FNBP1: variants seen among roughly 807,000 people sequenced by gnomAD.
FNBP1 encodes the protein formin binding protein 1, also known as formin-binding protein 1.
FNBP1 carries 26 observed loss-of-function variants against 90.6 expected under a neutral mutation model. The observed-to-expected ratio is 0.29, with a 90% CI of 0.21 to 0.40. FNBP1 has a LOEUF of 0.40. Among genes scored for constraint, FNBP1 ranks in the 10% least tolerant of loss-of-function variants. The probability of loss-of-function intolerance (pLI) is 1.00; values close to 1 mark genes in which losing one functional copy is unlikely to be tolerated. For missense variants in FNBP1, 635 were observed against 768.0 expected (o/e 0.83, Z 2.05); for synonymous variants, 260 against 265.2 (o/e 0.98, Z 0.19).
At chr9:129,979,887 C>T (rs576482690) in intron 2 of FNBP1, among the ~76,000 whole-genome samples, 2 of 151,516 alleles carry the variant, frequency 1.3e-5, no homozygotes, top group Non-Finnish European at 2.9e-5. Flanking sequence ...AAATGATCTG[C>T]CTGCCTTGGC....
At chr9:130,045,647 T>C (rs1484724986), upstream of FNBP1, among the ~76,000 whole-genome samples, 1 of 152,108 alleles carries the variant, frequency 6.6e-6, no homozygotes, top group Non-Finnish European at 1.5e-5. Flanking sequence ...TGGATGTGAG[T>C]TAATTATACA....
chr9:129,917,430 T>G lies in FNBP1; in HGVS notation c.1171-1450A>C, dbSNP rs564996331. 2.6e-5 allele frequency among the ~76,000 whole-genome samples: 4 copies of G among 152,136 alleles called. No homozygotes were observed. In the South Asian group the frequency reaches 8.3e-4, roughly 32 times the overall value. The stretch of plus-strand genomic sequence containing the variant: ...TCACTGAAGCCTCAACCTCTAGAGC[T>G]CAAATGATCCTCGCACCTCAGCCTC... On this transcript the variant is annotated intron_variant, in intron 10 of 16. Coordinates refer to ENST00000446176, the MANE Select transcript of FNBP1 (RefSeq NM_015033.3).
At chr9:130,017,056 A>G (rs631635) in intron 1 of FNBP1, among the ~76,000 whole-genome samples, 124,806 of 151,972 alleles carry the variant, frequency 0.82, 51,519 homozygotes, top group Non-Finnish European at 0.86. Context: ...GACCAGCCTC[A>G]GCAACATAGC....
At chr9:130,039,834 A>G (rs1395874467) in intron 1 of FNBP1, among the ~76,000 whole-genome samples, 1 of 152,180 alleles carries the variant, frequency 6.6e-6, no homozygotes, top group Non-Finnish European at 1.5e-5. Flanking sequence ...TGTAGTTTCT[A>G]AAAGCCTATA....
intron 1 of FNBP1, among the ~76,000 whole-genome samples, chr9:129,997,205 T>C (rs112517252): frequency 0.024 from 3,670 of 152,004 alleles, 153 homozygotes; most frequent in African/African-American, 0.083. Flanking sequence ...GCACCTGTAA[T>C]CCCAGCTACT....
Position 129,967,726 on chromosome 9 carries a change from C to A in FNBP1, c.346-9173G>T, listed in dbSNP as rs764190422. On this transcript the variant is annotated intron_variant, in intron 4 of 16. Coordinates refer to ENST00000446176, the MANE Select transcript of FNBP1 (RefSeq NM_015033.3). ...GTGAGTCAAGTAATTCTCACAATTCCCAGAAGAAAAGGAAATCATTAATTC... is the reference window on the plus strand; with the variant it reads ...GTGAGTCAAGTAATTCTCACAATTCACAGAAGAAAAGGAAATCATTAATTC... Among the ~76,000 whole-genome samples, 57 of 151,922 alleles carry A rather than the reference C, an allele frequency of 3.8e-4. 1 individual carries two copies. Among genetic ancestry groups the A allele is most frequent in the Middle Eastern group, 3.2e-3 (1 of 316 alleles).
At chr9:129,912,296 G>C (rs192814998) in intron 11 of FNBP1, among the ~76,000 whole-genome samples, 1 of 152,086 alleles carries the variant, frequency 6.6e-6, no homozygotes, top group African/African-American at 2.4e-5. Context: ...GAGGAAAAAC[G>C]GTTTGAGTTT....
At chr9:129,923,240 G>T (rs906886159) in intron 10 of FNBP1, among the ~76,000 whole-genome samples, 3 of 151,866 alleles carry the variant, frequency 2.0e-5, no homozygotes, top group Admixed American at 1.3e-4. Flanking sequence ...TGACTTGGAT[G>T]CTTTAAAGAG....
intron 6 of FNBP1, among the ~76,000 whole-genome samples, chr9:129,944,595 A>G (rs953615376): frequency 1.3e-5 from 2 of 152,218 alleles, no homozygotes; most frequent in Non-Finnish European, 2.9e-5. Flanking sequence ...AAGGAGGCAG[A>G]AATAATGCAA....
At chr9:130,014,933 T>C (rs1271629149) in intron 1 of FNBP1, among the ~76,000 whole-genome samples, 4 of 151,640 alleles carry the variant, frequency 2.6e-5, no homozygotes, top group East Asian at 1.9e-4. Context: ...GGATTGATGA[T>C]TGATTGCAAA....
At chr9:129,898,890 G>A (rs957018628) in intron 15 of FNBP1, among the ~76,000 whole-genome samples, 10 of 151,828 alleles carry the variant, frequency 6.6e-5, no homozygotes, top group African/African-American at 9.7e-5. Flanking sequence ...AGACAGGAGC[G>A]CTATAGATAC....
chr9:130,017,383 T>C (rs1276047788), intron 1 of FNBP1, among the ~76,000 whole-genome samples: 1 of 152,198 alleles, frequency 6.6e-6, no homozygotes, highest in Non-Finnish European at 1.5e-5. Context: ...TTAACAGATA[T>C]TTCAAAGAAA....
chr9:129,997,229 G>A (rs2054150688), intron 1 of FNBP1, among the ~76,000 whole-genome samples: 1 of 151,994 alleles, frequency 6.6e-6, no homozygotes, highest in South Asian at 2.1e-4. Flanking sequence ...GAGTCTGAGG[G>A]AGGCAGGAGA....
intron 2 of FNBP1, among the ~76,000 whole-genome samples, chr9:129,986,013 G>A (rs1344385243): frequency 6.8e-6 from 1 of 147,638 alleles, no homozygotes; most frequent in Non-Finnish European, 1.5e-5. Flanking sequence ...GTGTGTGCCT[G>A]TAATCCCAGC....
At chr9:130,017,860 G>C (rs1241083463) in intron 1 of FNBP1, among the ~76,000 whole-genome samples, 1 of 145,700 alleles carries the variant, frequency 6.9e-6, no homozygotes, top group Non-Finnish European at 1.5e-5. Flanking sequence ...ATCATGGTCT[G>C]GTCTAACGTG....
At chr9:130,012,623 ATTTGT>A (rs538214212) in intron 1 of FNBP1, among the ~76,000 whole-genome samples, 114 of 152,128 alleles carry the variant, frequency 7.5e-4, no homozygotes, top group African/African-American at 2.5e-3. Context: ...GAGGTAGGAA[ATTTGT>A]TTTGTTTTGT....
chr9:129,994,442 G>T (rs1395774668), intron 2 of FNBP1, among the ~76,000 whole-genome samples: 1 of 152,208 alleles, frequency 6.6e-6, no homozygotes, highest in Non-Finnish European at 1.5e-5. Context: ...CAGGGGGCCT[G>T]CCAGGCTGGT....
At chr9:129,941,423 T>C (rs1028026788) in intron 6 of FNBP1, among the ~76,000 whole-genome samples, 1 of 152,100 alleles carries the variant, frequency 6.6e-6, no homozygotes, top group Non-Finnish European at 1.5e-5. Flanking sequence ...TTAAATAGAA[T>C]GTCAAATTCC....
At position 129,900,091 on chromosome 9, in the gene FNBP1, T is replaced by C. The variant is rs1184132946; in HGVS notation, c.1561A>G (p.Ser521Gly). The C allele has an allele frequency of 6.2e-7, 1 of 1,610,786 alleles. No homozygotes were observed. The highest frequency in any genetic ancestry group is 1.7e-5 in the Admixed American group (1 of 59,400). ...TCCTGACTCTGCTCCTCTGTGTAACTGCCATCTGGGCTGCTCAAGAAAGGA... is the reference window on the plus strand; with the variant it reads ...TCCTGACTCTGCTCCTCTGTGTAACCGCCATCTGGGCTGCTCAAGAAAGGA... ...CAQDRESPDG[S>G]YTEEQSQESE... The change falls in exon 15 of 17, where the codon AGT (serine) becomes GGT (glycine). Residue 521 changes from serine to glycine, a missense_variant. Transcript: ENST00000446176. The surrounding 1 kb of genome is among the most constrained non-coding windows in gnomAD (Gnocchi z 4.1).
Sources: gnomAD v4.1 joint callset for allele counts (sites outside exome capture counted in the v4.1 genomes callset) on GRCh38, gnomAD v4.1.1 for gene constraint, Gnocchi (gnomAD v3.1) non-coding constraint, MANE v1.5 for transcripts, NCBI Gene and HGNC (gene_info 2026-07-23, HGNC 2026-07-21) for gene names.